CCSER1: variants seen among roughly 807,000 people sequenced by gnomAD.
CCSER1 encodes the protein serine-rich coiled-coil domain-containing protein 1.
Under a neutral mutation model 82.0 loss-of-function variants are expected in CCSER1, and 41 were observed. That is an observed-to-expected ratio of 0.50 (90% CI 0.39 to 0.65). The LOEUF is 0.65. Among genes scored for constraint, CCSER1 ranks in the 30% least tolerant of loss-of-function variants. The pLI is 0.00. For synonymous variants in CCSER1, 414 were observed against 383.9 expected, an observed-to-expected ratio of 1.08 and a Z score of -0.92; for missense variants, 1,119 against 1,064.2, an observed-to-expected ratio of 1.05 and a Z score of -0.72.
chr4:90,349,062 C>T (rs1731149987), intron 3 of CCSER1, among the ~76,000 whole-genome samples: 1 of 151,996 alleles, frequency 6.6e-6, no homozygotes, highest in African/African-American at 2.4e-5. Context: ...TCCCTCCTAA[C>T]ATAAAATGGA....
At chr4:90,668,373 C>G (rs1732183365) in intron 6 of CCSER1, among the ~76,000 whole-genome samples, 1 of 152,066 alleles carries the variant, frequency 6.6e-6, no homozygotes, top group African/African-American at 2.4e-5. Flanking sequence ...AAATTTGCAG[C>G]AGAGTAAAAA....
At chr4:91,493,358 TTA>T (rs913766961) in intron 10 of CCSER1, among the ~76,000 whole-genome samples, 12 of 150,588 alleles carry the variant, frequency 8.0e-5, no homozygotes, top group African/African-American at 2.9e-4. Flanking sequence ...CAATAAATAT[TTA>T]TGTGTATTAT....
chr4:91,564,567 C>CT (rs1457259115), intron 10 of CCSER1, among the ~76,000 whole-genome samples: 3 of 151,886 alleles, frequency 2.0e-5, no homozygotes, highest in Non-Finnish European at 4.4e-5. Flanking sequence ...TCTTTCTTGA[C>CT]TTTTTCATAA....
At chr4:91,426,234 T>G (rs188469609) in intron 10 of CCSER1, among the ~76,000 whole-genome samples, 2 of 152,364 alleles carry the variant, frequency 1.3e-5, no homozygotes, top group East Asian at 3.9e-4. Flanking sequence ...TTTTTATGGC[T>G]GCATAGTATT....
intron 10 of CCSER1, among the ~76,000 whole-genome samples, chr4:91,311,722 T>G (rs1455955913): frequency 6.6e-6 from 1 of 151,974 alleles, no homozygotes; most frequent in Non-Finnish European, 1.5e-5. Flanking sequence ...CAGTGCCACA[T>G]GCTCATGTGA....
chr4:90,504,567 C>T (rs779793533), intron 5 of CCSER1, among the ~76,000 whole-genome samples: 14 of 152,104 alleles, frequency 9.2e-5, no homozygotes, highest in Non-Finnish European at 1.9e-4. Flanking sequence ...ACTAGTTCTT[C>T]GGGACTGGCC....
intron 10 of CCSER1, among the ~76,000 whole-genome samples, chr4:91,514,059 T>C (rs1479419617): frequency 6.6e-6 from 1 of 152,164 alleles, no homozygotes; most frequent in African/African-American, 2.4e-5. Context: ...GATTGTTAAT[T>C]TGAGATCTTT....
intron 10 of CCSER1, among the ~76,000 whole-genome samples, chr4:91,104,157 C>A (rs764955020): frequency 2.6e-5 from 4 of 152,150 alleles, no homozygotes; most frequent in Non-Finnish European, 4.4e-5. Flanking sequence ...ACCCTGTTTT[C>A]TGTTGTTTAA....
chr4:91,185,234 A>C (rs904185410), intron 10 of CCSER1, among the ~76,000 whole-genome samples: 5 of 152,162 alleles, frequency 3.3e-5, no homozygotes, highest in African/African-American at 7.2e-5. Flanking sequence ...GTTTAATTTC[A>C]CTTTTTCCCA....
intron 5 of CCSER1, among the ~76,000 whole-genome samples, chr4:90,595,105 T>G (rs1579358697): frequency 6.6e-6 from 1 of 152,162 alleles, no homozygotes; most frequent in African/African-American, 2.4e-5. Flanking sequence ...ACATCTATTT[T>G]ACTACTATAA....
intron 5 of CCSER1, among the ~76,000 whole-genome samples, chr4:90,493,827 A>G (rs1322191521): frequency 6.6e-6 from 1 of 152,236 alleles, no homozygotes; most frequent in Non-Finnish European, 1.5e-5. Context: ...AATTGTAAAG[A>G]CCATCAAGGC....
At chr4:90,520,931 G>A (rs1421809723) in intron 5 of CCSER1, among the ~76,000 whole-genome samples, 2 of 152,090 alleles carry the variant, frequency 1.3e-5, no homozygotes, top group East Asian at 1.9e-4. Flanking sequence ...ATAGATAAGT[G>A]AGTAAAATGT....
At chr4:91,486,712 G>A (rs1297108564) in intron 10 of CCSER1, among the ~76,000 whole-genome samples, 1 of 152,028 alleles carries the variant, frequency 6.6e-6, no homozygotes, top group Non-Finnish European at 1.5e-5. Context: ...GTGTTTGAGA[G>A]GTCGTGGATA....
intron 10 of CCSER1, among the ~76,000 whole-genome samples, chr4:91,496,907 G>A (rs1024784708): frequency 7.1e-6 from 1 of 140,494 alleles, no homozygotes; most frequent in African/African-American, 2.7e-5. Context: ...AACTAAATTT[G>A]CAGGAAAGCC....
intron 9 of CCSER1, among the ~76,000 whole-genome samples, chr4:91,076,330 AG>A (rs1401078256): frequency 1.2e-5 from 1 of 82,382 alleles, no homozygotes; most frequent in East Asian, 1.7e-3. Context: ...CCAACCATGC[AG>A]TTTTTTTTTT....
intron 6 of CCSER1, among the ~76,000 whole-genome samples, chr4:90,649,817 G>T (rs1728384450): frequency 6.6e-6 from 1 of 152,006 alleles, no homozygotes; most frequent in Non-Finnish European, 1.5e-5. Flanking sequence ...GAAAATAAAG[G>T]GTCAAGGGGC....
At chr4:91,573,703 G>A (rs1763303421) in intron 10 of CCSER1, among the ~76,000 whole-genome samples, 1 of 152,162 alleles carries the variant, frequency 6.6e-6, no homozygotes, top group African/African-American at 2.4e-5. Flanking sequence ...CATGGATCAA[G>A]TTGTTTCCTT....
At chr4:90,464,290 T>A (rs1294761095) in intron 4 of CCSER1, among the ~76,000 whole-genome samples, 1 of 152,242 alleles carries the variant, frequency 6.6e-6, no homozygotes, top group East Asian at 1.9e-4. Flanking sequence ...ATAAGACTAG[T>A]GCTTAGAACC....
At chr4:90,612,757 T>A (rs545341667) in intron 5 of CCSER1, among the ~76,000 whole-genome samples, 7 of 152,266 alleles carry the variant, frequency 4.6e-5, no homozygotes, top group Non-Finnish European at 1.0e-4. Flanking sequence ...ATCCCCTTAA[T>A]GTTTGTGTGT....
Sources: allele counts gnomAD v4.1 joint callset (sites outside exome capture counted in the v4.1 genomes callset), GRCh38; gene constraint gnomAD v4.1.1; transcripts MANE v1.5; gene names NCBI Gene and HGNC (gene_info 2026-07-23, HGNC 2026-07-21).